The following OXCT1 variants were observed in gnomAD, a reference collection of about 807,000 sequenced individuals.
The protein encoded by OXCT1 is succinyl-CoA:3-ketoacid coenzyme A transferase 1, mitochondrial.
Under a neutral mutation model 69.6 loss-of-function variants are expected in OXCT1, and 27 were observed. The ratio of observed to expected loss-of-function variants is 0.39; its 90% CI spans 0.29 to 0.54. The LOEUF (loss-of-function observed/expected upper bound fraction) is 0.54. OXCT1 is among the 20% of genes least tolerant of loss of function. OXCT1 has a pLI of 0.72. For synonymous variants in OXCT1, 202 were observed against 217.8 expected (o/e 0.93, Z 0.64); for missense variants, 437 against 650.2 (o/e 0.67, Z 3.57).
intron 1 of OXCT1, among the ~76,000 whole-genome samples, chr5:41,863,983 G>A (rs1579909002): frequency 6.6e-6 from 1 of 152,264 alleles, no homozygotes; most frequent in East Asian, 1.9e-4. Context: ...TGGGGCTTAA[G>A]GTTTATGGAG....
rs1323966617 is a variant in OXCT1, at chr5:41,853,527, C to T, written c.306G>A (p.Leu102=). The T allele has an allele frequency of 6.2e-7, 1 of 1,613,952 alleles. No individual in the cohort carries two copies. The highest frequency in any genetic ancestry group is 8.5e-7 in the Non-Finnish European group (1 of 1,179,920). ...TGCGTTTTATCTGCTTGGACCGAAG[C>T]AAAAGCCCCAAACCAAAATTGTCAA... ...AGVDNFGLGL[L]LRSKQIKRMV... The change falls in exon 4 of 17, where the codon TTG becomes TTA. Residue 102 remains leucine, a synonymous_variant. Transcript: ENST00000196371.
chr5:41,865,184 C>G (rs1372756432), intron 1 of OXCT1, among the ~76,000 whole-genome samples: 1 of 152,254 alleles, frequency 6.6e-6, no homozygotes, highest in South Asian at 2.1e-4. Context: ...AACAGAAGGT[C>G]TTATTCATTC....
chr5:41,750,148 T>TG (rs1561361071), intron 14 of OXCT1, among the ~76,000 whole-genome samples: 2 of 149,516 alleles, frequency 1.3e-5, no homozygotes, highest in Non-Finnish European at 3.0e-5. Context: ...TTTTTTTTTT[T>TG]TTTTTTTTTT....
intron 14 of OXCT1, among the ~76,000 whole-genome samples, chr5:41,754,357 A>C (rs769718380): frequency 1.3e-5 from 2 of 152,008 alleles, no homozygotes; most frequent in Non-Finnish European, 2.9e-5. Context: ...AAATACAATA[A>C]TGGGAAATGC....
chr5:41,868,691 C>G (rs553851582), intron 1 of OXCT1, among the ~76,000 whole-genome samples: 1 of 151,368 alleles, frequency 6.6e-6, no homozygotes, highest in African/African-American at 2.4e-5. Context: ...CCACTGCACT[C>G]CAGCCTGGGC....
chr5:41,853,047 G>A (rs1313143633), intron 4 of OXCT1, among the ~76,000 whole-genome samples: 1 of 151,870 alleles, frequency 6.6e-6, no homozygotes, highest in Non-Finnish European at 1.5e-5. Context: ...CTCCACCCTG[G>A]GTGACACAGT....
At chr5:41,761,363 C>T (rs556199319) in intron 14 of OXCT1, among the ~76,000 whole-genome samples, 2 of 152,126 alleles carry the variant, frequency 1.3e-5, no homozygotes, top group South Asian at 4.1e-4. Context: ...ATACTAAGAG[C>T]ACTTATATCA....
At chr5:41,850,304 A>T in intron 4 of OXCT1, 125 bp from the exon 5 acceptor site, 1 of 1,011,838 alleles carries the variant, frequency 9.9e-7, no homozygotes, top group Non-Finnish European at 1.5e-6. Context: ...AGCATTGTAC[A>T]TTAGCATACT....
intron 15 of OXCT1, among the ~76,000 whole-genome samples, chr5:41,741,876 A>G (rs775947622): frequency 1.3e-5 from 2 of 152,240 alleles, no homozygotes; most frequent in Non-Finnish European, 2.9e-5. Context: ...GAATGTTTGT[A>G]TACTCATTAG....
At chr5:41,855,490 G>T (rs1749387340) in intron 3 of OXCT1, among the ~76,000 whole-genome samples, 1 of 152,180 alleles carries the variant, frequency 6.6e-6, no homozygotes, top group South Asian at 2.1e-4. Context: ...CCTAGAAACA[G>T]AAGTTTTTAT....
intron 13 of OXCT1, among the ~76,000 whole-genome samples, chr5:41,781,610 C>A (rs1035176624): frequency 6.6e-6 from 1 of 152,162 alleles, no homozygotes; most frequent in East Asian, 1.9e-4. Flanking sequence ...CTCGCTCCCC[C>A]CATACCCCAA....
At chr5:41,744,960 G>C (rs1192370210) in intron 15 of OXCT1, among the ~76,000 whole-genome samples, 3 of 151,694 alleles carry the variant, frequency 2.0e-5, no homozygotes, top group Non-Finnish European at 4.4e-5. Context: ...AATAATAATG[G>C]GACATTCCAC....
chr5:41,823,225 G>C (rs1747647860), intron 7 of OXCT1, among the ~76,000 whole-genome samples: 2 of 152,128 alleles, frequency 1.3e-5, no homozygotes, highest in African/African-American at 4.8e-5. Context: ...TTCACTTGAA[G>C]GCAGGCCTTG....
chr5:41,826,553 GT>G (rs1747815143), intron 7 of OXCT1, among the ~76,000 whole-genome samples: 1 of 152,090 alleles, frequency 6.6e-6, no homozygotes, highest in South Asian at 2.1e-4. Flanking sequence ...AACAGAGGCT[GT>G]AAGGAAGACG....
chr5:41,863,370 C>A (rs1005695686), intron 1 of OXCT1, among the ~76,000 whole-genome samples: 58 of 152,096 alleles, frequency 3.8e-4, no homozygotes, highest in African/African-American at 1.3e-3. Flanking sequence ...TATTATTAAC[C>A]ATAGTCGCCA....
intron 15 of OXCT1, among the ~76,000 whole-genome samples, chr5:41,741,475 G>A (rs1743165091): frequency 6.6e-6 from 1 of 152,158 alleles, no homozygotes; most frequent in South Asian, 2.1e-4. Flanking sequence ...TCCCAAGATT[G>A]TGATACAGGA....
intron 11 of OXCT1, among the ~76,000 whole-genome samples, chr5:41,797,976 A>G (rs1052836233): frequency 3.3e-5 from 5 of 152,146 alleles, no homozygotes; most frequent in African/African-American, 1.2e-4. Context: ...GAGACACTAG[A>G]TATGTTGTGG....
intron 6 of OXCT1, among the ~76,000 whole-genome samples, chr5:41,840,976 T>A (rs1045493994): frequency 6.6e-5 from 10 of 152,194 alleles, no homozygotes; most frequent in Admixed American, 6.5e-4. Flanking sequence ...AAGAGAAGCC[T>A]ATTGCTGAAA....
At chr5:41,852,177 G>C (rs1038799887) in intron 4 of OXCT1, among the ~76,000 whole-genome samples, 1 of 152,180 alleles carries the variant, frequency 6.6e-6, no homozygotes, top group African/African-American at 2.4e-5. Context: ...ATAGCAGCCT[G>C]AGCAGACTAA....
Sources: gnomAD v4.1 joint callset for allele counts (sites outside exome capture counted in the v4.1 genomes callset) on GRCh38, gnomAD v4.1.1 for gene constraint, MANE v1.5 for transcripts, NCBI Gene and HGNC (gene_info 2026-07-23, HGNC 2026-07-21) for gene names.